The following DNAH14 variants were observed in gnomAD, a reference collection of about 807,000 sequenced individuals.
DNAH14 encodes the protein dynein axonemal heavy chain 14.
A neutral mutation model predicts 520.9 loss-of-function variants in DNAH14; 478 were observed. The observed-to-expected ratio is 0.92, with a 90% CI of 0.85 to 0.99. The LOEUF (loss-of-function observed/expected upper bound fraction) is 0.99. Ranked by LOEUF, DNAH14 falls within the 50% of genes least tolerant of loss-of-function variation. The probability of loss-of-function intolerance (pLI) is 0.00; values close to 1 mark genes in which losing one functional copy is unlikely to be tolerated. For synonymous variants in DNAH14, 1,581 were observed against 1,757.2 expected, an observed-to-expected ratio of 0.90 and a Z score of 2.51; for missense variants, 4,831 against 5,234.5, an observed-to-expected ratio of 0.92 and a Z score of 2.38.
At chr1:225,257,857 C>T (rs2092794743) in intron 44 of DNAH14, 103 bp from the exon 45 acceptor site, 2 of 976,632 alleles carry the variant, frequency 2.0e-6, no homozygotes, top group Non-Finnish European at 2.9e-6. Context: ...TTCATATATA[C>T]AATTAATGAA....
chr1:225,020,754 T>G (rs1318441547), intron 10 of DNAH14, among the ~76,000 whole-genome samples: 2 of 152,074 alleles, frequency 1.3e-5, no homozygotes, highest in Non-Finnish European at 2.9e-5. Flanking sequence ...CTAGTACCAA[T>G]CCTACTGAAA....
intron 3 of DNAH14, among the ~76,000 whole-genome samples, chr1:224,958,447 A>G (rs1285431854): frequency 1.3e-5 from 2 of 152,094 alleles, no homozygotes; most frequent in Admixed American, 1.3e-4. Context: ...TTTGCCATAC[A>G]GGTGAGGCCA....
intron 10 of DNAH14, among the ~76,000 whole-genome samples, chr1:225,012,809 G>C (rs2449280): frequency 6.6e-6 from 1 of 152,212 alleles, no homozygotes; most frequent in African/African-American, 2.4e-5. Context: ...TTTCAGCTCC[G>C]TCAGGTCATT....
At chr1:225,324,525 A>C (rs2094615721) in intron 63 of DNAH14, among the ~76,000 whole-genome samples, 172 bp downstream of exon 63, 1 of 152,216 alleles carries the variant, frequency 6.6e-6, no homozygotes, top group South Asian at 2.1e-4. Flanking sequence ...GCTCCCATTA[A>C]ATTTGTTATT....
chr1:225,266,430 AACTT>A (rs2093121644), intron 48 of DNAH14, among the ~76,000 whole-genome samples: 2 of 152,102 alleles, frequency 1.3e-5, no homozygotes, highest in South Asian at 4.1e-4. Flanking sequence ...CTATTTTGAA[AACTT>A]ACTGTTTTTA....
intron 46 of DNAH14, among the ~76,000 whole-genome samples, chr1:225,260,949 T>C: frequency 6.6e-6 from 1 of 152,214 alleles, no homozygotes; most frequent in Non-Finnish European, 1.5e-5. Flanking sequence ...AGGTAGTTCA[T>C]TGTTGGCTTA....
intron 6 of DNAH14, chr1:224,967,920 T>A: frequency 5.0e-6 from 6 of 1,206,706 alleles, no homozygotes; most frequent in Non-Finnish European, 6.2e-6. Context: ...TATTCTTTAT[T>A]GGCACATTTG....
At chr1:225,331,906 A>G (rs1470182286) in intron 65 of DNAH14, among the ~76,000 whole-genome samples, 1 of 152,222 alleles carries the variant, frequency 6.6e-6, no homozygotes, top group Non-Finnish European at 1.5e-5. Flanking sequence ...CAAGCTGAAC[A>G]TATAAAACAT....
At chr1:225,277,688 G>C (rs1326159021) in intron 54 of DNAH14, among the ~76,000 whole-genome samples, 186 bp downstream of exon 54, 1 of 152,178 alleles carries the variant, frequency 6.6e-6, no homozygotes. Flanking sequence ...AATAAAAATG[G>C]TATTTGTTTT....
chr1:225,104,218 A>C (rs1213286507), intron 23 of DNAH14, among the ~76,000 whole-genome samples: 5 of 152,160 alleles, frequency 3.3e-5, no homozygotes, highest in Admixed American at 6.5e-5. Context: ...ACCAGCCTTG[A>C]ATCCCAGGGA....
chr1:225,296,511 T>TTTG (rs2094010954), intron 55 of DNAH14, among the ~76,000 whole-genome samples: 1 of 147,526 alleles, frequency 6.8e-6, no homozygotes, highest in South Asian at 2.1e-4. Context: ...GGTGGGTGGT[T>TTTG]TTTTTTTTTT....
At chr1:225,314,507 A>G (rs2094432080) in intron 60 of DNAH14, among the ~76,000 whole-genome samples, 1 of 152,130 alleles carries the variant, frequency 6.6e-6, no homozygotes, top group African/African-American at 2.4e-5. Flanking sequence ...TTTGCCCGTT[A>G]GTTGATGCAG....
At chr1:225,323,960 C>T (rs1307905696) in intron 62 of DNAH14, among the ~76,000 whole-genome samples, 5 of 151,750 alleles carry the variant, frequency 3.3e-5, no homozygotes, top group African/African-American at 4.8e-5. Flanking sequence ...GGATTACAGG[C>T]GTGTGCCACC....
At chr1:225,336,033 A>T in intron 66 of DNAH14, among the ~76,000 whole-genome samples, 1 of 114,942 alleles carries the variant, frequency 8.7e-6, no homozygotes. Context: ...ATATGTATAT[A>T]CACACATATA....
At chr1:225,249,303 G>A (rs1471216445) in intron 43 of DNAH14, among the ~76,000 whole-genome samples, 1 of 152,136 alleles carries the variant, frequency 6.6e-6, no homozygotes, top group East Asian at 1.9e-4. Flanking sequence ...TAAACAAATA[G>A]TAATCCCAGT....
At chr1:225,364,616 C>G (rs1284176759) in intron 75 of DNAH14, among the ~76,000 whole-genome samples, 176 bp from the exon 76 acceptor site, 2 of 151,958 alleles carry the variant, frequency 1.3e-5, no homozygotes, top group Non-Finnish European at 2.9e-5. Context: ...TAAAATGTAA[C>G]TGATGGGTCG....
At chr1:225,122,669 A>G (rs954416580) in intron 26 of DNAH14, among the ~76,000 whole-genome samples, 2 of 152,200 alleles carry the variant, frequency 1.3e-5, no homozygotes, top group Non-Finnish European at 2.9e-5. Flanking sequence ...TTCCAAAGGT[A>G]TTAAATAAAA....
At chr1:225,119,339 TAC>T in intron 26 of DNAH14, 45 bp downstream of exon 26, 4 of 1,310,798 alleles carry the variant, frequency 3.1e-6, no homozygotes, top group Non-Finnish European at 4.1e-6. Flanking sequence ...TTTATATATA[TAC>T]TTGCACATAT....
intron 23 of DNAH14, among the ~76,000 whole-genome samples, chr1:225,105,118 T>G (rs3128673): frequency 6.6e-6 from 1 of 152,208 alleles, no homozygotes; most frequent in Non-Finnish European, 1.5e-5. Context: ...AGAACATCTT[T>G]ATTTCTACCT....
Sources: allele counts gnomAD v4.1 joint callset (sites outside exome capture counted in the v4.1 genomes callset), GRCh38; gene constraint gnomAD v4.1.1; transcripts MANE v1.5; gene names NCBI Gene and HGNC (gene_info 2026-07-23, HGNC 2026-07-21).